Variants in SHISA9 observed in about 807,000 individuals in gnomAD.
SHISA9 encodes protein shisa-9.
SHISA9 carries 13 observed loss-of-function variants against 38.0 expected under a neutral mutation model. That is an observed-to-expected ratio of 0.34 (90% CI 0.22 to 0.54). The LOEUF is 0.54. Ranked by LOEUF, SHISA9 falls within the 20% of genes least tolerant of loss-of-function variation. The pLI, the probability that SHISA9 is intolerant of heterozygous loss-of-function variation, is 0.91. For synonymous variants in SHISA9, 275 were observed against 242.0 expected (o/e 1.14, Z -1.27); for missense variants, 538 against 575.8 (o/e 0.93, Z 0.67).
At chr16:13,335,378 C>T in the SHISA9 span, among the ~76,000 whole-genome samples, 4 of 152,302 alleles carry the variant, frequency 2.6e-5, no homozygotes, top group Admixed American at 2.0e-4. Context: ...ATCCTGATGG[C>T]TTTTCTGGTT....
At chr16:13,457,960 CCTTT>C in the SHISA9 span, among the ~76,000 whole-genome samples, 5 of 151,920 alleles carry the variant, frequency 3.3e-5, no homozygotes, top group Admixed American at 6.6e-5. Context: ...TTCCTTCCTT[CCTTT>C]CTTCCTCCCT....
the SHISA9 span, among the ~76,000 whole-genome samples, chr16:13,340,583 T>A: frequency 6.6e-6 from 1 of 152,106 alleles, no homozygotes; most frequent in Non-Finnish European, 1.5e-5. Flanking sequence ...AGTTGAGTCT[T>A]TACAAACCCT....
At chr16:13,259,451 C>T in the SHISA9 span, among the ~76,000 whole-genome samples, 1 of 152,228 alleles carries the variant, frequency 6.6e-6, no homozygotes, top group South Asian at 2.1e-4. Context: ...CCTTTTCTCA[C>T]AGCTCCACTA....
the SHISA9 span, among the ~76,000 whole-genome samples, chr16:13,249,068 G>A: frequency 4.9e-3 from 744 of 152,308 alleles, 7 homozygotes; most frequent in African/African-American, 0.017. Context: ...GGTGCTGGTG[G>A]TTGGAAACAA....
chr16:12,913,113 TA>T (rs1056825633), intron 1 of SHISA9, among the ~76,000 whole-genome samples: 12 of 152,334 alleles, frequency 7.9e-5, no homozygotes, highest in African/African-American at 2.9e-4. Context: ...AAGTGTACTT[TA>T]AAAAAGTATA....
At chr16:13,145,590 G>T (rs1231608376) in intron 2 of SHISA9, among the ~76,000 whole-genome samples, 1 of 152,164 alleles carries the variant, frequency 6.6e-6, no homozygotes, top group Admixed American at 6.5e-5. Context: ...ACCTCACTGG[G>T]TCCTAGATTA....
rs564898412 is a variant in SHISA9 at position 13,235,557 on chromosome 16, A to G, written c.*148A>G. 8 of 1,047,308 alleles carry G rather than the reference A, an allele frequency of 7.6e-6. No homozygotes were observed. Among genetic ancestry groups the G allele is most frequent in the East Asian group, 2.6e-5 (1 of 38,022 alleles). The allele number at this position is 1,047,308 out of a possible 1,614,324, so 64.9% of individuals were successfully genotyped here. A position where few individuals can be genotyped will look rare whatever the true frequency, so the allele number is the denominator to read the frequency against. On this transcript the variant is annotated 3_prime_UTR_variant, in exon 5 of 5. Transcript: ENST00000558583. ...CCAACTCTAAACCTACTGGGGACACAGAGTCGCGCTTTTCCTAGGTCATGC... is the reference window on the plus strand; with the variant it reads ...CCAACTCTAAACCTACTGGGGACACGGAGTCGCGCTTTTCCTAGGTCATGC...
intron 2 of SHISA9, among the ~76,000 whole-genome samples, chr16:13,057,213 C>A (rs2073321240): frequency 6.6e-6 from 1 of 152,088 alleles, no homozygotes. Context: ...GGGAGCCGAA[C>A]AATAGAACGT....
At chr16:13,015,560 C>T (rs1189695926) in intron 2 of SHISA9, among the ~76,000 whole-genome samples, 1 of 152,200 alleles carries the variant, frequency 6.6e-6, no homozygotes, top group African/African-American at 2.4e-5. Context: ...TTTTACCCCT[C>T]ATTTTTGAAC....
At chr16:12,933,480 G>A (rs1352455246) in intron 2 of SHISA9, among the ~76,000 whole-genome samples, 4 of 152,032 alleles carry the variant, frequency 2.6e-5, no homozygotes, top group African/African-American at 7.2e-5. Context: ...CTTTTAGTAG[G>A]ATGGGGTTTC....
rs2051400065 is a variant in SHISA9 at position 13,237,716 on chromosome 16, C to T, written c.*2307C>T. On this transcript the variant is annotated 3_prime_UTR_variant, in exon 5 of 5. Transcript: ENST00000558583. The stretch of plus-strand genomic sequence containing the variant: ...CAAAGAACGCATAATAGGAGATCTC[C>T]ATGTATAAAAAGGTACCATGCTGTA... The T allele has an allele frequency of 6.6e-6, 1 of 151,160 alleles. No individual in the cohort carries two copies. The allele number at this position is 151,160 out of a possible 1,614,324, so 9.4% of individuals were successfully genotyped here. A position where few individuals can be genotyped will look rare whatever the true frequency, so the allele number is the denominator to read the frequency against.
At chr16:12,948,490 T>C (rs2071714604) in intron 2 of SHISA9, among the ~76,000 whole-genome samples, 1 of 152,348 alleles carries the variant, frequency 6.6e-6, no homozygotes, top group South Asian at 2.1e-4. Context: ...CAAAATACCA[T>C]GATTGAGTAG....
intron 2 of SHISA9, among the ~76,000 whole-genome samples, chr16:12,955,493 A>T (rs569122068): frequency 7.2e-6 from 1 of 138,050 alleles, no homozygotes; most frequent in Non-Finnish European, 1.6e-5. Context: ...TCAAGGTGCC[A>T]TGAGTTATTT....
At chr16:13,553,682 GA>G in the SHISA9 span, among the ~76,000 whole-genome samples, 49,520 of 150,260 alleles carry the variant, frequency 0.33, 8,250 homozygotes, top group Middle Eastern at 0.4. Flanking sequence ...TAAAAAAAAA[GA>G]AAAAAAAAAT....
At chr16:13,445,262 G>C in the SHISA9 span, among the ~76,000 whole-genome samples, 1 of 151,996 alleles carries the variant, frequency 6.6e-6, no homozygotes, top group Admixed American at 6.6e-5. Flanking sequence ...GAGTCTTGTG[G>C]ATCCTTCTTT....
intron 2 of SHISA9, among the ~76,000 whole-genome samples, chr16:12,996,083 A>G (rs1405617635): frequency 6.6e-6 from 1 of 152,218 alleles, no homozygotes; most frequent in African/African-American, 2.4e-5. Context: ...GGTGATGTAC[A>G]CGTGCCTCTT....
At chr16:13,052,687 A>T (rs1484223333) in intron 2 of SHISA9, among the ~76,000 whole-genome samples, 1 of 152,204 alleles carries the variant, frequency 6.6e-6, no homozygotes, top group African/African-American at 2.4e-5. Flanking sequence ...TTCCTGGATT[A>T]ACTTAAATGT....
chr16:13,169,008 T>A (rs1005107893), intron 2 of SHISA9, among the ~76,000 whole-genome samples: 3 of 152,228 alleles, frequency 2.0e-5, no homozygotes, highest in Non-Finnish European at 4.4e-5. Flanking sequence ...GTGGAACCTA[T>A]TGAGGCATGG....
the SHISA9 span, among the ~76,000 whole-genome samples, chr16:13,377,864 C>A: frequency 4.0e-5 from 6 of 149,814 alleles, no homozygotes; most frequent in Admixed American, 3.9e-4. Context: ...CCCGTCTCTA[C>A]TAAAAATACA....
Sources: allele counts gnomAD v4.1 joint callset (sites outside exome capture counted in the v4.1 genomes callset), GRCh38; gene constraint gnomAD v4.1.1; transcripts MANE v1.5; gene names NCBI Gene and HGNC (gene_info 2026-07-23, HGNC 2026-07-21).